Variants in KMT2C observed in about 807,000 individuals in gnomAD.
KMT2C encodes the protein histone-lysine N-methyltransferase 2C.
KMT2C carries 88 observed loss-of-function variants against 507.9 expected under a neutral mutation model. The observed-to-expected ratio is 0.17, with a 90% CI of 0.15 to 0.21. The LOEUF is 0.21. Among genes scored for constraint, KMT2C ranks in the 10% least tolerant of loss-of-function variants. The pLI is 1.00. For synonymous variants in KMT2C, 2,049 were observed against 2,080.8 expected (o/e 0.98, Z 0.42); for missense variants, 4,954 against 5,957.8 (o/e 0.83, Z 5.55).
chr7:152,381,476 C>G (rs939247701), intron 1 of KMT2C, among the ~76,000 whole-genome samples: 12 of 152,128 alleles, frequency 7.9e-5, no homozygotes, highest in Admixed American at 3.9e-4. Context: ...TCCAAAATGT[C>G]AACAGTGCCA....
intron 1 of KMT2C, among the ~76,000 whole-genome samples, chr7:152,416,570 C>T (rs1346091757): frequency 7.5e-6 from 1 of 132,560 alleles, no homozygotes; most frequent in African/African-American, 2.8e-5. Context: ...ACAACAACAA[C>T]AAAAAATTAG....
chr7:152,176,156 T>C (rs376242242), intron 38 of KMT2C, 35 bp downstream of exon 38: 132 of 1,532,572 alleles, frequency 8.6e-5, no homozygotes, highest in Non-Finnish European at 1.0e-4. Context: ...CTAATACCCA[T>C]AGTAATATAC....
intron 31 of KMT2C, among the ~76,000 whole-genome samples, chr7:152,188,604 C>CTTT (rs2093694674): frequency 7.3e-6 from 1 of 137,556 alleles, no homozygotes; most frequent in African/African-American, 2.9e-5. Context: ...ATGATTCTTT[C>CTTT]CTTTTTTTTT....
intron 9 of KMT2C, among the ~76,000 whole-genome samples, chr7:152,255,144 T>TATATATATATATATAC (rs1361185988): frequency 1.0e-4 from 12 of 120,356 alleles, no homozygotes; most frequent in South Asian, 2.7e-4. Flanking sequence ...TATATATATA[T>TATATATATATATATAC]ACATATATAT....
chr7:152,224,366 T>G, intron 19 of KMT2C, 69 bp downstream of exon 19: 1 of 1,518,060 alleles, frequency 6.6e-7, no homozygotes, highest in Non-Finnish European at 9.0e-7. Flanking sequence ...GGCTAATTTT[T>G]AAAAACCAAA....
chr7:152,346,466 A>T (rs1325030443), intron 2 of KMT2C, among the ~76,000 whole-genome samples: 1 of 152,264 alleles, frequency 6.6e-6, no homozygotes, highest in Non-Finnish European at 1.5e-5. Flanking sequence ...ACATTAAACA[A>T]TACACTTCTA....
At chr7:152,230,403 T>C (rs2095071785) in intron 16 of KMT2C, 82 bp from the exon 17 acceptor site, 3 of 594,580 alleles carry the variant, frequency 5.0e-6, no homozygotes, top group Non-Finnish European at 8.8e-6. Context: ...AGAAAATTCA[T>C]AATCAAAACA....
At chr7:152,203,871 G>T (rs1260380563) in intron 25 of KMT2C, among the ~76,000 whole-genome samples, 1 of 152,052 alleles carries the variant, frequency 6.6e-6, no homozygotes, top group African/African-American at 2.4e-5. Flanking sequence ...AGGAATCCAT[G>T]AAAAACAAAA....
chr7:152,427,938 G>A (rs1188121441), intron 1 of KMT2C, among the ~76,000 whole-genome samples: 1 of 152,034 alleles, frequency 6.6e-6, no homozygotes, highest in Non-Finnish European at 1.5e-5. Flanking sequence ...AACATTCTAT[G>A]CTTTGGCTTG....
chr7:152,320,227 A>C (rs986405865), intron 3 of KMT2C, among the ~76,000 whole-genome samples: 1 of 152,068 alleles, frequency 6.6e-6, no homozygotes, highest in Non-Finnish European at 1.5e-5. Context: ...CCAAAATCCA[A>C]AACACATCTG....
rs970768800 is a variant in KMT2C at position 152,152,710 on chromosome 7, C to T, written c.12521G>A (p.Ser4174Asn). ...KQPNVPFPPT[S>N]NGLSGYKDSS... ...CAAAAAGCTCACTAGCTCACCATTG[C>T]TTGTTGGAGGAAATGGTACATTAGG... Residue 4174 changes from serine (S) to asparagine (N), a missense_variant, in exon 49 of 59, where the codon AGC becomes AAC. Ser to Asn is a conservative substitution (Grantham distance 46, BLOSUM62 1). Coordinates refer to ENST00000262189, the MANE Select transcript of KMT2C (RefSeq NM_170606.3). 1 of 1,613,740 alleles carries T rather than the reference C, an allele frequency of 6.2e-7. No homozygotes were observed. Among genetic ancestry groups the T allele is most frequent in the Non-Finnish European group, 8.5e-7 (1 of 1,179,770 alleles).
At chr7:152,195,329 A>C (rs926203108) in intron 28 of KMT2C, among the ~76,000 whole-genome samples, 1 of 152,224 alleles carries the variant, frequency 6.6e-6, no homozygotes, top group African/African-American at 2.4e-5. Flanking sequence ...AAAACTACTG[A>C]GAAAGTCACC....
At chr7:152,329,566 C>T (rs1426295986) in intron 3 of KMT2C, among the ~76,000 whole-genome samples, 2 of 147,080 alleles carry the variant, frequency 1.4e-5, no homozygotes, top group African/African-American at 5.0e-5. Context: ...TAAGACCTTG[C>T]CTCAAAAAAT....
intron 2 of KMT2C, among the ~76,000 whole-genome samples, chr7:152,350,673 T>G (rs2129225930): frequency 6.6e-6 from 1 of 152,318 alleles, no homozygotes; most frequent in Non-Finnish European, 1.5e-5. Flanking sequence ...TTGCTCTGGG[T>G]GAATCACTGA....
Position 152,176,382 on chromosome 7 carries a change from C to G in KMT2C, c.9071G>C (p.Ser3024Thr), listed in dbSNP as rs587778501. The G allele has an allele frequency of 1.2e-6, 2 of 1,614,112 alleles. No homozygotes were observed. Among genetic ancestry groups the G allele is most frequent in the East Asian group, 2.2e-5 (1 of 44,876 alleles). The change falls in exon 38 of 59, where the codon AGC (serine) becomes ACC (threonine). Residue 3024 changes from serine to threonine, a missense_variant. This residue lies in a region of KMT2C where 1,689 missense variants were observed against 1,654.3 expected (regional missense o/e 1.02). Transcript: ENST00000262189. ...GPQTSQSGTSSMSGPQQLMIP... is the reference protein window; with the variant it reads ...GPQTSQSGTSTMSGPQQLMIP... ...CATTAGCTGTTGGGGTCCAGACATGCTACTGGTACCAGACTGACTTGTTTG... is the reference window on the plus strand; with the variant it reads ...CATTAGCTGTTGGGGTCCAGACATGGTACTGGTACCAGACTGACTTGTTTG...
intron 55 of KMT2C, among the ~76,000 whole-genome samples, chr7:152,142,299 A>G (rs2090651864): frequency 6.6e-6 from 1 of 152,256 alleles, no homozygotes; most frequent in Non-Finnish European, 1.5e-5. Context: ...TGAATAGTGT[A>G]AACTGCTAAA....
At chr7:152,157,719 C>T in intron 44 of KMT2C, 2 of 1,127,768 alleles carry the variant, frequency 1.8e-6, no homozygotes, top group Non-Finnish European at 2.2e-6. Flanking sequence ...TGACATGTTA[C>T]CCAAAGATGA....
In KMT2C at chr7:152,235,979, A is replaced by T. The variant is rs535931190; in HGVS notation, c.2653-46T>A. On this transcript the variant is annotated intron_variant, in intron 15 of 58. Transcript: ENST00000262189. ...AGTCAACATTCTGTGACAGACCAAA[A>T]TAATTTTTAAATCCAAATGCCACTG... is the stretch of plus-strand genomic sequence containing the variant. The T allele has an allele frequency of 6.0e-6, 7 of 1,163,920 alleles. No individual in the cohort carries two copies. The Admixed American group carries it at 1.2e-4, about 20-fold the overall frequency. The allele number at this position is 1,163,920 out of a possible 1,614,324, so 72.1% of individuals were successfully genotyped here.
chr7:152,245,909 C>T (rs2095464400), intron 14 of KMT2C, among the ~76,000 whole-genome samples: 1 of 152,142 alleles, frequency 6.6e-6, no homozygotes, highest in Admixed American at 6.6e-5. Flanking sequence ...ATCTTGCTTA[C>T]ATCACAATCA....
Sources: gnomAD v4.1 joint callset for allele counts (sites outside exome capture counted in the v4.1 genomes callset) on GRCh38, gnomAD v4.1.1 for gene constraint, gnomAD v4.1.1 regional missense constraint, MANE v1.5 for transcripts, NCBI Gene and HGNC (gene_info 2026-07-23, HGNC 2026-07-21) for gene names.